Variants in RAB38 observed in about 807,000 individuals in gnomAD.
The protein encoded by RAB38 is RAB38, member RAS oncogene family, also known as ras-related protein Rab-38.
RAB38 carries 15 observed loss-of-function variants against 18.4 expected under a neutral mutation model. That is an observed-to-expected ratio of 0.82 (90% CI 0.55 to 1.26). RAB38 has a LOEUF of 1.26. Among genes scored for constraint, RAB38 ranks in the 50% most tolerant of loss-of-function variants. RAB38 has a pLI of 0.00. For missense variants in RAB38, 294 were observed against 267.4 expected (o/e 1.10, Z -0.69); for synonymous variants, 101 against 104.4 (o/e 0.97, Z 0.20).
At chr11:87,926,086 A>G in the RAB38 span, among the ~76,000 whole-genome samples, 1 of 151,642 alleles carries the variant, frequency 6.6e-6, no homozygotes, top group Non-Finnish European at 1.5e-5. Context: ...TTAATGGCCT[A>G]TGCTTGAGTG....
chr11:87,804,243 C>T, the RAB38 span, among the ~76,000 whole-genome samples: 44 of 152,270 alleles, frequency 2.9e-4, no homozygotes, highest in African/African-American at 9.9e-4. Context: ...TTCTACCTCT[C>T]TCCAATGAGT....
chr11:88,135,815 A>G (rs1942828842), intron 2 of RAB38, among the ~76,000 whole-genome samples: 1 of 152,244 alleles, frequency 6.6e-6, no homozygotes, highest in South Asian at 2.1e-4. Flanking sequence ...TTTCAGAAAC[A>G]TATAGTATCC....
At chr11:88,159,781 G>A (rs1943168470) in intron 1 of RAB38, among the ~76,000 whole-genome samples, 1 of 152,028 alleles carries the variant, frequency 6.6e-6, no homozygotes, top group South Asian at 2.1e-4. Flanking sequence ...GCCATATGCA[G>A]AAGAATGATA....
At chr11:87,812,736 C>T in the RAB38 span, among the ~76,000 whole-genome samples, 6 of 152,076 alleles carry the variant, frequency 3.9e-5, no homozygotes, top group South Asian at 8.3e-4. Context: ...TGTAAAACGC[C>T]GAAAGATTGA....
chr11:88,032,840 C>G, the RAB38 span, among the ~76,000 whole-genome samples: 16 of 152,180 alleles, frequency 1.1e-4, no homozygotes, highest in Admixed American at 1.0e-3. Context: ...GGATCTAGAA[C>G]TAGAAATACC....
At chr11:87,913,128 T>C in the RAB38 span, among the ~76,000 whole-genome samples, 1 of 152,078 alleles carries the variant, frequency 6.6e-6, no homozygotes, top group Non-Finnish European at 1.5e-5. Context: ...ACTTGGTAAA[T>C]GTTTCATGTG....
the RAB38 span, among the ~76,000 whole-genome samples, chr11:87,855,941 A>G: frequency 6.6e-6 from 1 of 152,170 alleles, no homozygotes; most frequent in Non-Finnish European, 1.5e-5. Context: ...TGGGGGTACA[A>G]CACTCACAGA....
the RAB38 span, among the ~76,000 whole-genome samples, chr11:87,814,193 T>A: frequency 2.0e-5 from 3 of 152,094 alleles, no homozygotes; most frequent in African/African-American, 7.2e-5. Context: ...CAGAGAATGG[T>A]AGGTTAAGAG....
At chr11:88,035,808 A>G in the RAB38 span, among the ~76,000 whole-genome samples, 1 of 152,162 alleles carries the variant, frequency 6.6e-6, no homozygotes, top group Non-Finnish European at 1.5e-5. Flanking sequence ...AAGCAAATTG[A>G]CAAATTTCAG....
chr11:87,893,390 A>ATATATATATATATTTTTTT, the RAB38 span, among the ~76,000 whole-genome samples: 28 of 93,890 alleles, frequency 3.0e-4, no homozygotes, highest in South Asian at 1.2e-3. Flanking sequence ...ATATATATAT[A>ATATATATATATATTTTTTT]TTTTTTTTTT....
the RAB38 span, among the ~76,000 whole-genome samples, chr11:87,894,833 G>A: frequency 2.6e-5 from 4 of 150,980 alleles, no homozygotes; most frequent in Admixed American, 1.3e-4. Flanking sequence ...TCTATGACAT[G>A]AGGTGATAAT....
the RAB38 span, among the ~76,000 whole-genome samples, chr11:88,055,748 G>A: frequency 1.2e-3 from 178 of 152,264 alleles, 6 homozygotes; most frequent in South Asian, 0.036. Flanking sequence ...AGCTACCCAG[G>A]AAGAATGAAG....
At chr11:87,962,255 A>C in the RAB38 span, among the ~76,000 whole-genome samples, 1 of 152,110 alleles carries the variant, frequency 6.6e-6, no homozygotes, top group African/African-American at 2.4e-5. Flanking sequence ...GACATGTACT[A>C]CCTGGAGCAC....
At chr11:88,033,201 G>T in the RAB38 span, among the ~76,000 whole-genome samples, 4 of 151,944 alleles carry the variant, frequency 2.6e-5, no homozygotes, top group Non-Finnish European at 5.9e-5. Context: ...CACAGGAAGG[G>T]GAACGTGACA....
chr11:87,946,956 G>T, the RAB38 span, among the ~76,000 whole-genome samples: 1 of 151,138 alleles, frequency 6.6e-6, no homozygotes, highest in African/African-American at 2.4e-5. Flanking sequence ...GATCCCTGAG[G>T]AATCGCCACA....
At chr11:87,828,046 G>T in the RAB38 span, among the ~76,000 whole-genome samples, 1 of 152,120 alleles carries the variant, frequency 6.6e-6, no homozygotes. Flanking sequence ...TTTGACAAAT[G>T]TATATGGTAA....
At chr11:87,949,403 G>C in the RAB38 span, among the ~76,000 whole-genome samples, 1 of 152,108 alleles carries the variant, frequency 6.6e-6, no homozygotes, top group Admixed American at 6.5e-5. Context: ...GTTCTGCTCT[G>C]ATCTTAGTTA....
At chr11:87,959,447 C>T in the RAB38 span, among the ~76,000 whole-genome samples, 1 of 152,194 alleles carries the variant, frequency 6.6e-6, no homozygotes, top group Non-Finnish European at 1.5e-5. Flanking sequence ...CTATCTGACT[C>T]TTCAAGACCA....
At chr11:87,956,990 G>GGT in the RAB38 span, among the ~76,000 whole-genome samples, 6 of 151,310 alleles carry the variant, frequency 4.0e-5, no homozygotes, top group Non-Finnish European at 7.4e-5. Flanking sequence ...TTTTGGGGGG[G>GGT]GGTCCTTGAG....
Sources: allele counts gnomAD v4.1 joint callset (sites outside exome capture counted in the v4.1 genomes callset), GRCh38; gene constraint gnomAD v4.1.1; transcripts MANE v1.5; gene names NCBI Gene and HGNC (gene_info 2026-07-23, HGNC 2026-07-21).